Variants in NLRP5 observed in about 807,000 individuals in gnomAD.
NLRP5 encodes the protein NLR family pyrin domain containing 5, also known as NACHT, LRR and PYD domains-containing protein 5.
Under a neutral mutation model 113.1 loss-of-function variants are expected in NLRP5, and 93 were observed. That is an observed-to-expected ratio of 0.82 (90% CI 0.70 to 0.98). The LOEUF (loss-of-function observed/expected upper bound fraction) is 0.98, where lower values mean the gene tolerates loss of function less well. Among genes scored for constraint, NLRP5 ranks in the 50% least tolerant of loss-of-function variants. The pLI is 0.00. For missense variants in NLRP5, 1,808 were observed against 1,514.3 expected, an observed-to-expected ratio of 1.19 and a Z score of -3.22; for synonymous variants, 751 against 600.7, an observed-to-expected ratio of 1.25 and a Z score of -3.66.
chr19:56,005,640 A>AGGCGCG (rs1981876171), intron 2 of NLRP5, among the ~76,000 whole-genome samples: 1 of 141,896 alleles, frequency 7.0e-6, no homozygotes. Context: ...ACACACACAC[A>AGGCGCG]CACGCGCGCA....
At chr19:56,031,987 G>C (rs1983134336) in intron 7 of NLRP5, among the ~76,000 whole-genome samples, 1 of 152,084 alleles carries the variant, frequency 6.6e-6, no homozygotes. Flanking sequence ...AGGAACCTCT[G>C]TACTGTTTTC....
chr19:56,018,834 T>C (rs1489751093), intron 4 of NLRP5: 1 of 153,776 alleles, frequency 6.5e-6, no homozygotes, highest in African/African-American at 2.4e-5. Flanking sequence ...ATTCTTATTA[T>C]TATTTTTGGA....
At chr19:56,024,412 GTATA>G (rs1049600181) in intron 6 of NLRP5, among the ~76,000 whole-genome samples, 1 of 119,266 alleles carries the variant, frequency 8.4e-6, no homozygotes, top group African/African-American at 3.3e-5. Flanking sequence ...GTACATATAT[GTATA>G]TATGTTATAT....
intron 14 of NLRP5, among the ~76,000 whole-genome samples, chr19:56,060,452 T>C (rs968117169): frequency 1.3e-5 from 2 of 152,188 alleles, no homozygotes; most frequent in East Asian, 3.9e-4. Flanking sequence ...TTCTCGTTGT[T>C]ATAGCAATGA....
At chr19:56,044,646 T>G (rs13344373) in intron 11 of NLRP5, among the ~76,000 whole-genome samples, 1,768 of 152,352 alleles carry the variant, frequency 0.012, 41 homozygotes, top group African/African-American at 0.038. Context: ...GGTAGTGTGA[T>G]GCCTCCAGAT....
intron 11 of NLRP5, among the ~76,000 whole-genome samples, chr19:56,049,304 C>T (rs746397910): frequency 5.3e-5 from 8 of 151,952 alleles, no homozygotes; most frequent in African/African-American, 9.7e-5. Context: ...CTCAGCCTCC[C>T]GAGCAGCTGG....
the NLRP5 span, among the ~76,000 whole-genome samples, chr19:55,990,027 CT>C: frequency 1.2e-4 from 18 of 146,482 alleles, no homozygotes; most frequent in South Asian, 2.8e-3. Flanking sequence ...TCAGTAATAA[CT>C]TTTTTTTAAA....
rs306426 is a variant in NLRP5 at position 56,019,050 on chromosome 19, C to T, written c.566-292C>T. 4.7e-3 allele frequency among the ~76,000 whole-genome samples: 709 copies of T among 152,270 alleles called. 3 individuals are homozygous for T. Among genetic ancestry groups the T allele is most frequent in the Non-Finnish European group, 7.2e-3 (491 of 68,020 alleles). ...ACCTCTGGTGATCTGCCCGCCTCGG[C>T]CTCCCAAAGTGCTGGGATTACAGGT... On this transcript the variant is annotated intron_variant, in intron 4 of 14. Coordinates refer to ENST00000390649, the MANE Select transcript of NLRP5 (RefSeq NM_153447.4).
rs190152449 is a variant in NLRP5, at chr19:56,005,125, T to A, written c.442+1030T>A. On this transcript the variant is annotated intron_variant, in intron 2 of 14. Transcript: ENST00000390649. ...AAAAAAAAATATATATATATATATA[T>A]AATATATACACACACACATATATAC... Among the ~76,000 whole-genome samples, 139 of 138,638 alleles carry A rather than the reference T, an allele frequency of 1.0e-3. 4 individuals carry two copies. Among genetic ancestry groups the A allele is most frequent in the African/African-American group, 3.6e-3 (136 of 37,986 alleles). The allele number at this position is 138,638 out of a possible 152,430, so 91.0% of individuals were successfully genotyped here. A position where few individuals can be genotyped will look rare whatever the true frequency, so the allele number is the denominator to read the frequency against.
chr19:56,016,782 T>A (rs1318762452), intron 4 of NLRP5, among the ~76,000 whole-genome samples: 1 of 152,184 alleles, frequency 6.6e-6, no homozygotes, highest in Non-Finnish European at 1.5e-5. Flanking sequence ...ATTTCCTGTA[T>A]GTTTTAGAGC....
At position 56,004,048 on chromosome 19, in the gene NLRP5, A is replaced by T. The variant is rs373998197; in HGVS notation, c.395A>T (p.Asn132Ile). 35 of 1,613,062 alleles carry T rather than the reference A, an allele frequency of 2.2e-5. No individual in the cohort carries two copies. The highest frequency in any genetic ancestry group is 2.9e-5 in the Non-Finnish European group (34 of 1,179,582). The change falls in exon 2 of 15, where the codon AAC (asparagine) becomes ATC (isoleucine). Residue 132 changes from asparagine (N) to isoleucine (I), a missense_variant. By Grantham distance (149) the Asn-to-Ile change is moderately radical. Transcript: ENST00000390649. Reference sequence around the variant, plus strand: ...GCTACGTCCATTAGCATCTTTGAAAACATGAACCTGCGAACCCTCTCGGAG... The same window carrying T: ...GCTACGTCCATTAGCATCTTTGAAATCATGAACCTGCGAACCCTCTCGGAG...
At chr19:55,998,647 C>T (rs545832143), upstream of NLRP5, among the ~76,000 whole-genome samples, 138 of 83,750 alleles carry the variant, frequency 1.6e-3, 1 homozygote, top group Non-Finnish European at 2.6e-3. Flanking sequence ...TGCAAGCCTT[C>T]GTCTCAAAAT....
At chr19:56,044,178 C>G (rs143027543) in intron 11 of NLRP5, among the ~76,000 whole-genome samples, 1,666 of 152,036 alleles carry the variant, frequency 0.011, 21 homozygotes, top group African/African-American at 0.038. Flanking sequence ...ATTCTCCTGC[C>G]TCAGCCTCCC....
intron 6 of NLRP5, among the ~76,000 whole-genome samples, chr19:56,026,196 C>G (rs879525): frequency 6.6e-6 from 1 of 152,002 alleles, no homozygotes; most frequent in Non-Finnish European, 1.5e-5. Context: ...CACTGATGCT[C>G]GGTCCAGGGT....
At chr19:55,988,063 C>A in the NLRP5 span, 57 of 631,778 alleles carry the variant, frequency 9.0e-5, no homozygotes, top group Middle Eastern at 3.5e-4. Flanking sequence ...AGCTTTGAAC[C>A]CTGGAGTGAG....
Position 56,034,154 on chromosome 19 carries a change from C to T in NLRP5, c.2615+445C>T, listed in dbSNP as rs1291605392. The stretch of plus-strand genomic sequence containing the variant: ...CTGTAATCCCAGCACTTTGGGAGGC[C>T]GAGGCAGGCAGATCACTTGAGGTCA... On this transcript the variant is annotated intron_variant, in intron 9 of 14. Coordinates refer to ENST00000390649, the MANE Select transcript of NLRP5 (RefSeq NM_153447.4). Among the ~76,000 whole-genome samples, 11 of 152,038 alleles carry T rather than the reference C, an allele frequency of 7.2e-5. 1 individual carries two copies. In the East Asian group the frequency reaches 1.4e-3, roughly 19 times the overall value.
intron 1 of NLRP5, among the ~76,000 whole-genome samples, chr19:56,000,386 A>G (rs1042230957): frequency 6.6e-6 from 1 of 151,838 alleles, no homozygotes; most frequent in African/African-American, 2.4e-5. Flanking sequence ...TTTTTTTAAG[A>G]CAGAGTCTCA....
At chr19:56,014,297 G>A (rs976880263) in intron 3 of NLRP5, among the ~76,000 whole-genome samples, 1 of 152,008 alleles carries the variant, frequency 6.6e-6, no homozygotes, top group Non-Finnish European at 1.5e-5. Context: ...TGGCCAACAT[G>A]GTGAAACCCT....
chr19:56,059,738 C>G (rs536527163), intron 14 of NLRP5, among the ~76,000 whole-genome samples: 1 of 152,104 alleles, frequency 6.6e-6, no homozygotes, highest in Non-Finnish European at 1.5e-5. Context: ...TTTCACCAGG[C>G]TGGTCTCAAA....
Sources: allele counts gnomAD v4.1 joint callset (sites outside exome capture counted in the v4.1 genomes callset), GRCh38; gene constraint gnomAD v4.1.1; transcripts MANE v1.5; gene names NCBI Gene and HGNC (gene_info 2026-07-23, HGNC 2026-07-21).